MPPED2: variants seen among roughly 807,000 people sequenced by gnomAD.
MPPED2 encodes metallophosphoesterase domain containing 2.
A neutral mutation model predicts 33.0 loss-of-function variants in MPPED2; 5 were observed. The observed-to-expected ratio is 0.15, with a 90% CI of 0.08 to 0.32. MPPED2 has a LOEUF of 0.32. Among genes scored for constraint, MPPED2 ranks in the 10% least tolerant of loss-of-function variants. MPPED2 has a pLI of 1.00. For missense variants in MPPED2, 275 were observed against 372.1 expected, an observed-to-expected ratio of 0.74 and a Z score of 2.15; for synonymous variants, 136 against 141.9, an observed-to-expected ratio of 0.96 and a Z score of 0.29.
chr11:30,443,710 T>C (rs1438388586), intron 4 of MPPED2, among the ~76,000 whole-genome samples: 1 of 152,042 alleles, frequency 6.6e-6, no homozygotes, highest in Non-Finnish European at 1.5e-5. Flanking sequence ...AATACTCATC[T>C]CCCCCACCAT....
rs1476261622 is a variant in MPPED2 at position 30,586,148 on chromosome 11, G to C, written c.-228C>G. 3 of 152,556 alleles carry C rather than the reference G, an allele frequency of 2.0e-5. No individual in the cohort carries two copies. Among genetic ancestry groups the C allele is most frequent in the African/African-American group, 7.2e-5 (3 of 41,438 alleles). 9.5% of individuals were successfully genotyped at this position (152,556 alleles called of 1,614,324 possible). A position where few individuals can be genotyped will look rare whatever the true frequency, so the allele number is the denominator to read the frequency against. ...GGCTGGAGGAGCGCTGGGGGCGCGCGGGGGCGGCGAGGGGCGCGAGCGGGC... is the reference window on the plus strand; with the variant it reads ...GGCTGGAGGAGCGCTGGGGGCGCGCCGGGGCGGCGAGGGGCGCGAGCGGGC... On this transcript the variant is annotated 5_prime_UTR_variant, in exon 1 of 7. Coordinates refer to ENST00000358117, the MANE Select transcript of MPPED2 (RefSeq NM_001584.3). This position sits in a 1 kb window ranked among gnomAD's most constrained non-coding sequence, Gnocchi z 4.8.
intron 4 of MPPED2, among the ~76,000 whole-genome samples, chr11:30,482,208 TGTG>T (rs972529441): frequency 1.3e-5 from 2 of 152,184 alleles, no homozygotes; most frequent in Non-Finnish European, 2.9e-5. Flanking sequence ...TGTTATAACT[TGTG>T]GTGTATTATC....
intron 4 of MPPED2, among the ~76,000 whole-genome samples, chr11:30,477,440 T>C (rs1951266290): frequency 6.6e-6 from 1 of 152,136 alleles, no homozygotes; most frequent in African/African-American, 2.4e-5. Flanking sequence ...TTGAGTCTTT[T>C]TGAATGCTTT....
chr11:30,416,416 A>G (rs1328438918), intron 5 of MPPED2, among the ~76,000 whole-genome samples: 2 of 152,254 alleles, frequency 1.3e-5, no homozygotes, highest in African/African-American at 2.4e-5. Flanking sequence ...TACAAAAATT[A>G]AACTTGCATT....
At chr11:30,422,291 C>A (rs1948648587) in intron 4 of MPPED2, among the ~76,000 whole-genome samples, 1 of 152,198 alleles carries the variant, frequency 6.6e-6, no homozygotes, top group Non-Finnish European at 1.5e-5. Context: ...TCCTTTCCAA[C>A]CTGCACCTCT....
At chr11:30,579,542 T>C (rs1187032098) in intron 2 of MPPED2, among the ~76,000 whole-genome samples, 1 of 152,202 alleles carries the variant, frequency 6.6e-6, no homozygotes, top group Non-Finnish European at 1.5e-5. Flanking sequence ...AACCAGGTGC[T>C]GCAAAATCCT....
At chr11:30,579,934 C>T (rs1022381085) in intron 2 of MPPED2, among the ~76,000 whole-genome samples, 4 of 152,042 alleles carry the variant, frequency 2.6e-5, no homozygotes, top group South Asian at 2.1e-4. Context: ...CAGGCAAATT[C>T]GCTGTGTGGC....
intron 4 of MPPED2, among the ~76,000 whole-genome samples, chr11:30,478,612 C>G (rs1356990991): frequency 6.6e-6 from 1 of 152,038 alleles, no homozygotes; most frequent in African/African-American, 2.4e-5. Context: ...TACTTCTATC[C>G]ATCTAAAAAC....
chr11:30,474,914 G>A (rs1004829122), intron 4 of MPPED2, among the ~76,000 whole-genome samples: 3 of 151,972 alleles, frequency 2.0e-5, no homozygotes, highest in Non-Finnish European at 4.4e-5. Flanking sequence ...AAGATTTCAA[G>A]CACAACAAAA....
chr11:30,440,210 ATCCCAGCTAC>A (rs1394834139), intron 4 of MPPED2, among the ~76,000 whole-genome samples: 1 of 152,042 alleles, frequency 6.6e-6, no homozygotes, highest in East Asian at 1.9e-4. Flanking sequence ...GATGCCTGTA[ATCCCAGCTAC>A]TCAGGAGGCT....
At chr11:30,523,564 T>C in intron 3 of MPPED2, among the ~76,000 whole-genome samples, 1 of 151,580 alleles carries the variant, frequency 6.6e-6, no homozygotes, top group East Asian at 1.9e-4. Flanking sequence ...CACGACTCTG[T>C]GACAACTTCC....
chr11:30,504,328 A>C (rs1271462546), intron 3 of MPPED2, among the ~76,000 whole-genome samples: 2 of 152,184 alleles, frequency 1.3e-5, no homozygotes, highest in African/African-American at 4.8e-5. Flanking sequence ...GGAAGATGAA[A>C]GGAAAAAAGT....
chr11:30,570,026 C>A (rs866137053), intron 2 of MPPED2, among the ~76,000 whole-genome samples: 1 of 152,182 alleles, frequency 6.6e-6, no homozygotes, highest in Admixed American at 6.5e-5. Context: ...ACGCCCATTT[C>A]TCCTCTTGTT....
intron 4 of MPPED2, among the ~76,000 whole-genome samples, chr11:30,449,611 C>A (rs1461080272): frequency 6.6e-6 from 1 of 151,800 alleles, no homozygotes; most frequent in East Asian, 1.9e-4. Flanking sequence ...CCACTGCACT[C>A]CAGCCTGAGA....
intron 6 of MPPED2, among the ~76,000 whole-genome samples, chr11:30,393,079 C>T (rs1947799840): frequency 6.6e-6 from 1 of 152,032 alleles, no homozygotes; most frequent in South Asian, 2.1e-4. Flanking sequence ...CAATTTGTGC[C>T]CAATCTGGAG....
At chr11:30,501,938 C>T (rs1046280843) in intron 3 of MPPED2, among the ~76,000 whole-genome samples, 3 of 152,128 alleles carry the variant, frequency 2.0e-5, no homozygotes, top group African/African-American at 4.8e-5. Context: ...AGCTGTGCTC[C>T]GTGAAGCCTC....
rs563449566 is a variant in MPPED2, at chr11:30,450,809, C to T, written c.537-33176G>A. Among the ~76,000 whole-genome samples the T allele has an allele frequency of 2.0e-5, 3 of 152,288 alleles. No homozygotes were observed. In the East Asian group the frequency reaches 5.8e-4, roughly 29 times the overall value. On this transcript the variant is annotated intron_variant, in intron 4 of 6. Coordinates refer to ENST00000358117, the MANE Select transcript of MPPED2 (RefSeq NM_001584.3). ...TTTTAACCTCAGAGAAACTCTGTAT[C>T]GGGTACAGATAGATTATTAGCCCCC...
Position 30,410,491 on chromosome 11 carries a change from A to G in MPPED2, c.*977T>C. ...TTGGGGTATTTAAATAGAAAGGACA[A>G]CTAAGCCTTATTTTAGTTAGCTTCC... On this transcript the variant is annotated 3_prime_UTR_variant, in exon 7 of 7. Transcript: ENST00000358117. 1.0e-6 allele frequency: 1 copy of G among 985,760 alleles called. No individual in the cohort carries two copies. Among genetic ancestry groups the G allele is most frequent in the Non-Finnish European group, 1.2e-6 (1 of 829,930 alleles). 61.1% of individuals were successfully genotyped at this position (985,760 alleles called of 1,614,324 possible).
intron 4 of MPPED2, among the ~76,000 whole-genome samples, chr11:30,433,120 A>T (rs1306347491): frequency 3.3e-5 from 5 of 152,202 alleles, no homozygotes; most frequent in Admixed American, 3.3e-4. Context: ...TTTTAAGGGT[A>T]GTGTTTCTCA....
Sources: allele counts gnomAD v4.1 joint callset (sites outside exome capture counted in the v4.1 genomes callset), GRCh38; gene constraint gnomAD v4.1.1; non-coding constraint Gnocchi (gnomAD v3.1); transcripts MANE v1.5; gene names NCBI Gene and HGNC (gene_info 2026-07-23, HGNC 2026-07-21).